Variants in SYT7 observed in about 807,000 individuals in gnomAD.
SYT7 encodes synaptotagmin 7, also known as synaptotagmin-7.
SYT7 carries 29 observed loss-of-function variants against 75.1 expected under a neutral mutation model. The observed-to-expected ratio is 0.39, with a 90% CI of 0.29 to 0.53. The LOEUF (loss-of-function observed/expected upper bound fraction) is 0.53. SYT7 is among the 20% of genes least tolerant of loss of function. The pLI is 0.77. For missense variants in SYT7, 693 were observed against 953.2 expected, an observed-to-expected ratio of 0.73 and a Z score of 3.59; for synonymous variants, 376 against 401.7, an observed-to-expected ratio of 0.94 and a Z score of 0.76.
chr11:61,517,820 A>T lies in SYT7; in HGVS notation c.*807T>A. On this transcript the variant is annotated 3_prime_UTR_variant, in exon 13 of 13. Coordinates refer to ENST00000539008, the MANE Select transcript of SYT7 (RefSeq NM_001365809.2). ...GAGGGAACTACTTCAGATTCTGAGC[A>T]GAGGGGGGCACCAAGGGGAGAAGGG... 3 of 257,478 alleles carry T rather than the reference A, an allele frequency of 1.2e-5. No individual in the cohort carries two copies. Among genetic ancestry groups the T allele is most frequent in the Admixed American group, 5.5e-5 (1 of 18,126 alleles). The allele number at this position is 257,478 out of a possible 1,614,324, so 15.9% of individuals were successfully genotyped here.
intron 1 of SYT7, among the ~76,000 whole-genome samples, chr11:61,577,892 C>T (rs958950352): frequency 8.5e-5 from 13 of 152,324 alleles, no homozygotes; most frequent in African/African-American, 2.2e-4. Flanking sequence ...CTTTTCCTGC[C>T]GCTGTCCTGC....
intron 7 of SYT7, among the ~76,000 whole-genome samples, chr11:61,535,995 G>C (rs2062859511): frequency 6.6e-6 from 1 of 152,190 alleles, no homozygotes; most frequent in Non-Finnish European, 1.5e-5. Context: ...GTGCCCAGTG[G>C]GTGGTGCTGG....
At chr11:61,581,624 C>T (rs2064277477), upstream of SYT7, among the ~76,000 whole-genome samples, 2 of 152,258 alleles carry the variant, frequency 1.3e-5, no homozygotes, top group African/African-American at 2.4e-5. Flanking sequence ...CCTGGGTCCG[C>T]CAGTCCGGTC....
chr11:61,521,087 A>T (rs1476529922), intron 12 of SYT7, among the ~76,000 whole-genome samples: 1 of 152,210 alleles, frequency 6.6e-6, no homozygotes. Context: ...CTCTAGGGCC[A>T]CTGTGGGCCT....
chr11:61,558,519 C>T (rs2063559495), intron 1 of SYT7, among the ~76,000 whole-genome samples: 1 of 151,148 alleles, frequency 6.6e-6, no homozygotes, highest in Middle Eastern at 3.2e-3. Context: ...CACACACACA[C>T]ACACACACAC....
At chr11:61,567,361 AG>A (rs1334137826) in intron 1 of SYT7, among the ~76,000 whole-genome samples, 1 of 147,910 alleles carries the variant, frequency 6.8e-6, no homozygotes, top group Non-Finnish European at 1.5e-5. Flanking sequence ...GAGCTGTCCA[AG>A]GTGCTGAAAC....
chr11:61,517,646 G>C lies in SYT7; in HGVS notation c.*981C>G, dbSNP rs760544501. 1.0e-5 allele frequency: 4 copies of C among 398,460 alleles called. No homozygotes were observed. The highest frequency in any genetic ancestry group is 1.3e-5 in the Non-Finnish European group (3 of 226,318). The allele number at this position is 398,460 out of a possible 1,614,324, so 24.7% of individuals were successfully genotyped here. A position where few individuals can be genotyped will look rare whatever the true frequency, so the allele number is the denominator to read the frequency against. On this transcript the variant is annotated 3_prime_UTR_variant, in exon 13 of 13. Transcript: ENST00000539008. ...TGCGTATGAGGTGTGGGAAGCTGGCGGGGGGTCTTTTGATGAAGGAGTTAG... is the reference window on the plus strand; with the variant it reads ...TGCGTATGAGGTGTGGGAAGCTGGCCGGGGGTCTTTTGATGAAGGAGTTAG...
chr11:61,565,488 G>C (rs1334117298), intron 1 of SYT7, among the ~76,000 whole-genome samples: 1 of 152,242 alleles, frequency 6.6e-6, no homozygotes, highest in Admixed American at 6.5e-5. Flanking sequence ...CCATCTTGCA[G>C]AATTTCCTGA....
rs561209206 is a variant in SYT7, at chr11:61,523,086, C to T, written c.1945G>A (p.Val649Ile). The T allele has an allele frequency of 2.2e-5, 35 of 1,614,144 alleles. No homozygotes were observed. The highest frequency in any genetic ancestry group is 8.0e-5 in the African/African-American group (6 of 75,034). ...TGCCTCGCCCCTACCTTGCCGATGA[C>T]GTCATTGCGGCTGAGCTTGTCCTTG... The part of the protein sequence containing the change: ...MDKDKLSRND[V>I]IGKIYLSWKS... Residue 649 changes from valine to isoleucine, a missense_variant, in exon 12 of 13, where the codon GTC becomes ATC. This residue lies in a region of SYT7 where 206 missense variants were observed against 360.0 expected (regional missense o/e 0.57). Transcript: ENST00000539008. This position sits in a 1 kb window ranked among gnomAD's most constrained non-coding sequence, Gnocchi z 5.0.
At chr11:61,552,638 A>G (rs2135321652) in intron 2 of SYT7, among the ~76,000 whole-genome samples, 1 of 152,262 alleles carries the variant, frequency 6.6e-6, no homozygotes, top group East Asian at 1.9e-4. Flanking sequence ...ATGCTCCCTG[A>G]TGCTCCTGCC....
At chr11:61,536,654 C>T (rs193151760) in intron 7 of SYT7, among the ~76,000 whole-genome samples, 188 of 152,332 alleles carry the variant, frequency 1.2e-3, no homozygotes, top group African/African-American at 4.4e-3. Context: ...CAGTGAAAGA[C>T]CTGACCCCAC....
chr11:61,578,639 G>A (rs1298579859), intron 1 of SYT7, among the ~76,000 whole-genome samples: 1 of 152,132 alleles, frequency 6.6e-6, no homozygotes, highest in Non-Finnish European at 1.5e-5. Context: ...TGGAACTATA[G>A]AGCCTACAAA....
chr11:61,523,351 T>C lies in SYT7; in HGVS notation c.1757-77A>G. The C allele has an allele frequency of 6.9e-7, 1 of 1,447,242 alleles. No homozygotes were observed. Among genetic ancestry groups the C allele is most frequent in the South Asian group, 1.2e-5 (1 of 86,656 alleles). The allele number at this position is 1,447,242 out of a possible 1,614,324, so 89.7% of individuals were successfully genotyped here. ...TAGGATCCTTTTCCCCTTCCAGGAA[T>C]GGAAGCTGAGGCAGGAGGGCCGTGT... On this transcript the variant is annotated intron_variant, in intron 11 of 12. Coordinates refer to ENST00000539008, the MANE Select transcript of SYT7 (RefSeq NM_001365809.2). This position sits in a 1 kb window ranked among gnomAD's most constrained non-coding sequence, Gnocchi z 5.0.
chr11:61,571,192 C>T (rs562616945), intron 1 of SYT7, among the ~76,000 whole-genome samples: 30 of 152,338 alleles, frequency 2.0e-4, no homozygotes, highest in African/African-American at 5.8e-4. Flanking sequence ...GGCGCCCCAG[C>T]GATGTGTGCC....
At chr11:61,521,286 G>C (rs528642891) in intron 12 of SYT7, among the ~76,000 whole-genome samples, 2 of 152,220 alleles carry the variant, frequency 1.3e-5, no homozygotes, top group East Asian at 1.9e-4. Flanking sequence ...ATCCACATTT[G>C]CTTTGGTTCA....
At chr11:61,572,471 A>G (rs2063949421) in intron 1 of SYT7, among the ~76,000 whole-genome samples, 1 of 152,184 alleles carries the variant, frequency 6.6e-6, no homozygotes, top group African/African-American at 2.4e-5. Flanking sequence ...CCCAGTGGTT[A>G]AGACCCAGGC....
At chr11:61,575,888 C>T (rs759241698) in intron 1 of SYT7, among the ~76,000 whole-genome samples, 4 of 152,338 alleles carry the variant, frequency 2.6e-5, no homozygotes, top group African/African-American at 7.2e-5. Flanking sequence ...CCCCTGCCTC[C>T]GCCCTCCCCT....
Position 61,523,967 on chromosome 11 carries a change from G to C in SYT7, c.1642-26C>G, listed in dbSNP as rs558735128. 216 of 1,605,308 alleles carry C rather than the reference G, an allele frequency of 1.3e-4. 3 individuals are homozygous for C. The South Asian group carries it at 2.3e-3, about 17-fold the overall frequency. Reference sequence around the variant, plus strand: ...CTGGGAGGCACGACAGGAGGGGTGTGGGGAACTAGGCTAGCAGAGCTCTCT... The same window carrying C: ...CTGGGAGGCACGACAGGAGGGGTGTCGGGAACTAGGCTAGCAGAGCTCTCT... On this transcript the variant is annotated intron_variant, in intron 10 of 12. Coordinates refer to ENST00000539008, the MANE Select transcript of SYT7 (RefSeq NM_001365809.2). This position sits in a 1 kb window ranked among gnomAD's most constrained non-coding sequence, Gnocchi z 5.0.
In SYT7 at chr11:61,580,144, C is replaced by T. The variant is rs1037896658; in HGVS notation, c.31+646G>A. 1.3e-5 allele frequency among the ~76,000 whole-genome samples: 2 copies of T among 151,820 alleles called. No homozygotes were observed. Among genetic ancestry groups the T allele is most frequent in the Admixed American group, 6.6e-5 (1 of 15,252 alleles). Reference sequence around the variant, plus strand: ...AGAGAGTTTGGGGTTGTTTGCTTCCCCCTCCCCAAACCTAGGAGAACATTC... The same window carrying T: ...AGAGAGTTTGGGGTTGTTTGCTTCCTCCTCCCCAAACCTAGGAGAACATTC... On this transcript the variant is annotated intron_variant, in intron 1 of 12. Coordinates refer to ENST00000539008, the MANE Select transcript of SYT7 (RefSeq NM_001365809.2). The surrounding 1 kb of genome is among the most constrained non-coding windows in gnomAD (Gnocchi z 6.1).
Sources: allele counts gnomAD v4.1 joint callset (sites outside exome capture counted in the v4.1 genomes callset), GRCh38; gene constraint gnomAD v4.1.1; regional missense constraint gnomAD v4.1.1; non-coding constraint Gnocchi (gnomAD v3.1); transcripts MANE v1.5; gene names NCBI Gene and HGNC (gene_info 2026-07-23, HGNC 2026-07-21).